The following LIPC variants were observed in gnomAD, a reference collection of about 807,000 sequenced individuals.
LIPC encodes the protein lipase C, hepatic type.
A neutral mutation model predicts 50.7 loss-of-function variants in LIPC; 44 were observed. The ratio of observed to expected loss-of-function variants is 0.87; its 90% CI spans 0.68 to 1.11. The LOEUF is 1.11. Among genes scored for constraint, LIPC ranks in the 50% most tolerant of loss-of-function variants. The pLI, the probability that LIPC is intolerant of heterozygous loss-of-function variation, is 0.00. For missense variants in LIPC, 697 were observed against 648.2 expected (o/e 1.08, Z -0.82); for synonymous variants, 271 against 256.4 (o/e 1.06, Z -0.54).
chr15:58,557,682 G>T (rs1374372007), intron 6 of LIPC, among the ~76,000 whole-genome samples: 1 of 152,108 alleles, frequency 6.6e-6, no homozygotes, highest in East Asian at 1.9e-4. Context: ...ACCGCGCCCG[G>T]CCTCATTATA....
chr15:58,513,440 C>A (rs1243673590), intron 1 of LIPC, among the ~76,000 whole-genome samples: 2 of 152,160 alleles, frequency 1.3e-5, no homozygotes, highest in Non-Finnish European at 2.9e-5. Context: ...ATATTCTCAA[C>A]AATCTTCAAA....
At chr15:58,495,992 A>T (rs369581880) in intron 1 of LIPC, among the ~76,000 whole-genome samples, 13 of 152,312 alleles carry the variant, frequency 8.5e-5, no homozygotes, top group African/African-American at 3.1e-4. Context: ...TTTTCCAGAT[A>T]AGAAAAGGGA....
At chr15:58,509,317 T>C (rs1892260578) in intron 1 of LIPC, among the ~76,000 whole-genome samples, 1 of 152,230 alleles carries the variant, frequency 6.6e-6, no homozygotes, top group African/African-American at 2.4e-5. Context: ...CTATTAGGTA[T>C]TCCGAAACTC....
intron 1 of LIPC, among the ~76,000 whole-genome samples, chr15:58,450,282 C>T (rs1202274335): frequency 6.6e-6 from 1 of 152,210 alleles, no homozygotes; most frequent in African/African-American, 2.4e-5. Context: ...TTTTAAAACA[C>T]AGATTGTGGC....
intron 5 of LIPC, among the ~76,000 whole-genome samples, chr15:58,547,222 G>T: frequency 6.6e-6 from 1 of 152,188 alleles, no homozygotes; most frequent in Non-Finnish European, 1.5e-5. Context: ...AAGGGTTCCT[G>T]GGGTAGTTCT....
chr15:58,472,222 G>A (rs1276565881), intron 1 of LIPC, among the ~76,000 whole-genome samples: 1 of 131,454 alleles, frequency 7.6e-6, no homozygotes, highest in East Asian at 2.3e-4. Flanking sequence ...AATGAGCAAA[G>A]ATTGCACCAT....
intron 8 of LIPC, 55 bp downstream of exon 8, chr15:58,563,778 G>T: frequency 2.8e-6 from 4 of 1,416,326 alleles, no homozygotes; most frequent in Non-Finnish European, 3.9e-6. Flanking sequence ...CTTGTGCCAG[G>T]CAGTCTCACA....
chr15:58,534,624 A>G (rs752968494), intron 1 of LIPC, among the ~76,000 whole-genome samples: 2 of 152,122 alleles, frequency 1.3e-5, no homozygotes. Context: ...TCCTTTTTCA[A>G]TAACACATAG....
intron 1 of LIPC, chr15:58,498,542 T>C (rs1891857368): frequency 6.6e-6 from 1 of 152,202 alleles, no homozygotes; most frequent in Non-Finnish European, 1.5e-5. Context: ...AGTATATCCC[T>C]GGTGCTAAAA....
At chr15:58,562,846 C>A (rs1894213358) in intron 7 of LIPC, among the ~76,000 whole-genome samples, 1 of 131,926 alleles carries the variant, frequency 7.6e-6, no homozygotes, top group Non-Finnish European at 1.6e-5. Context: ...CGCCCTAAAT[C>A]CACTGCTGCC....
intron 1 of LIPC, among the ~76,000 whole-genome samples, chr15:58,493,965 A>G (rs76551411): frequency 0.011 from 1,621 of 152,244 alleles, 25 homozygotes; most frequent in African/African-American, 0.037. Flanking sequence ...AGGTTTTAAG[A>G]AATGAGAGTA....
rs753509515 is a variant in LIPC at position 58,563,662 on chromosome 15, C to T, written c.1327C>T (p.Pro443Ser). Reference sequence around the variant, plus strand: ...GACCATCATCCCATGGAGCACAGGGCCGCGCCACTCAGGCCTCGTTCTGAA... The same window carrying T: ...GACCATCATCCCATGGAGCACAGGGTCGCGCCACTCAGGCCTCGTTCTGAA... The part of the protein sequence containing the change: ...VQTIIPWSTG[P>S]RHSGLVLKTI... Residue 443 changes from proline (P) to serine (S), a missense_variant, in exon 8 of 9, where the codon CCG becomes TCG. Coordinates refer to ENST00000299022, the MANE Select transcript of LIPC (RefSeq NM_000236.3). 1.8e-5 allele frequency: 29 copies of T among 1,614,076 alleles called. No homozygotes were observed. Among genetic ancestry groups the T allele is most frequent in the Non-Finnish European group, 2.4e-5 (28 of 1,180,046 alleles).
At chr15:58,462,366 G>T (rs945958770) in intron 1 of LIPC, among the ~76,000 whole-genome samples, 5 of 152,070 alleles carry the variant, frequency 3.3e-5, no homozygotes, top group Admixed American at 2.6e-4. Context: ...CCAGGAAAGG[G>T]GTCCTTCTGG....
rs1445716400 is a variant in LIPC at position 58,568,941 on chromosome 15, G to A, written c.*114G>A. On this transcript the variant is annotated 3_prime_UTR_variant, in exon 9 of 9. Transcript: ENST00000299022. ...GAATCTCACACAAAGCTTAAATAAA[G>A]TTTAGATTTAAGGGGGGTATGTTTC... 1.1e-5 allele frequency: 7 copies of A among 634,294 alleles called. No individual in the cohort carries two copies. The highest frequency in any genetic ancestry group is 1.9e-5 in the Non-Finnish European group (7 of 372,148). 39.3% of individuals were successfully genotyped at this position (634,294 alleles called of 1,614,324 possible).
intron 1 of LIPC, among the ~76,000 whole-genome samples, chr15:58,535,023 A>G (rs1190116397): frequency 6.6e-6 from 1 of 152,058 alleles, no homozygotes; most frequent in Non-Finnish European, 1.5e-5. Flanking sequence ...CATCCTCCCA[A>G]TCTTATTTTT....
chr15:58,549,175 C>T (rs1395255881), intron 6 of LIPC, among the ~76,000 whole-genome samples: 2 of 152,164 alleles, frequency 1.3e-5, no homozygotes, highest in African/African-American at 2.4e-5. Context: ...GCTGTGACCA[C>T]GTCTTAGGCT....
intron 4 of LIPC, 73 bp downstream of exon 4, chr15:58,542,724 C>T (rs1893376639): frequency 2.1e-6 from 2 of 968,756 alleles, no homozygotes; most frequent in Non-Finnish European, 3.4e-6. Context: ...GCTTTTCCAA[C>T]AGGCTCATCA....
chr15:58,509,853 C>G (rs191467324), intron 1 of LIPC, among the ~76,000 whole-genome samples: 143 of 151,930 alleles, frequency 9.4e-4, no homozygotes, highest in Middle Eastern at 3.4e-3. Flanking sequence ...CAATGGATAT[C>G]TATTATTATA....
chr15:58,432,374 C>G, intron 1 of LIPC: 1 of 531,548 alleles, frequency 1.9e-6, no homozygotes, highest in South Asian at 2.1e-5. Flanking sequence ...TCTTGCGTAT[C>G]TGATATGGAA....
Sources: gnomAD v4.1 joint callset for allele counts (sites outside exome capture counted in the v4.1 genomes callset) on GRCh38, gnomAD v4.1.1 for gene constraint, MANE v1.5 for transcripts, NCBI Gene and HGNC (gene_info 2026-07-23, HGNC 2026-07-21) for gene names.